Variants in GALNT17 observed in about 807,000 individuals in gnomAD.
GALNT17 encodes polypeptide N-acetylgalactosaminyltransferase 17.
Under a neutral mutation model 63.7 loss-of-function variants are expected in GALNT17, and 29 were observed. The observed-to-expected ratio is 0.46, with a 90% CI of 0.34 to 0.62. The LOEUF (loss-of-function observed/expected upper bound fraction) is 0.62, where lower values mean the gene tolerates loss of function less well. Among genes scored for constraint, GALNT17 ranks in the 20% least tolerant of loss-of-function variants. The probability of loss-of-function intolerance (pLI) is 0.01; values close to 1 mark genes in which losing one functional copy is unlikely to be tolerated. For synonymous variants in GALNT17, 305 were observed against 318.3 expected (o/e 0.96, Z 0.45); for missense variants, 603 against 799.6 (o/e 0.75, Z 2.97).
chr7:71,525,695 T>A (rs538979271), intron 5 of GALNT17, among the ~76,000 whole-genome samples: 9 of 151,556 alleles, frequency 5.9e-5, no homozygotes, highest in South Asian at 2.1e-4. Flanking sequence ...TTTTTTTTTT[T>A]AATAAATTAC....
At chr7:71,528,159 A>G (rs528544782) in intron 5 of GALNT17, among the ~76,000 whole-genome samples, 4 of 152,182 alleles carry the variant, frequency 2.6e-5, no homozygotes, top group South Asian at 2.1e-4. Context: ...TTTTGTTACT[A>G]TCTAAAAAGC....
intron 1 of GALNT17, among the ~76,000 whole-genome samples, chr7:71,159,742 T>A (rs1328539935): frequency 1.3e-5 from 2 of 149,896 alleles, no homozygotes; most frequent in African/African-American, 5.0e-5. Flanking sequence ...ATGGAGACTG[T>A]CAGTCGCTGG....
intron 1 of GALNT17, among the ~76,000 whole-genome samples, chr7:71,133,407 A>AG (rs1787724186): frequency 6.7e-6 from 1 of 150,192 alleles, no homozygotes; most frequent in South Asian, 2.1e-4. Context: ...TGTAGGAGGA[A>AG]ATAGTCTTAG....
chr7:71,282,988 T>C (rs1050574898), intron 1 of GALNT17, among the ~76,000 whole-genome samples: 1 of 151,924 alleles, frequency 6.6e-6, no homozygotes, highest in African/African-American at 2.4e-5. Flanking sequence ...AGCTGGGGGA[T>C]CTGCTCAGAG....
At chr7:71,409,357 T>C (rs1460765295) in intron 3 of GALNT17, among the ~76,000 whole-genome samples, 1 of 152,086 alleles carries the variant, frequency 6.6e-6, no homozygotes, top group Non-Finnish European at 1.5e-5. Flanking sequence ...ATGCAGCAGC[T>C]CCCCATTTGA....
intron 1 of GALNT17, among the ~76,000 whole-genome samples, chr7:71,139,959 A>C (rs1054416262): frequency 6.6e-6 from 1 of 152,262 alleles, no homozygotes; most frequent in East Asian, 1.9e-4. Flanking sequence ...GCGCCCCTGC[A>C]CTCCAGCCAG....
chr7:71,398,312 G>C (rs183825525), intron 3 of GALNT17, among the ~76,000 whole-genome samples: 1 of 151,292 alleles, frequency 6.6e-6, no homozygotes, highest in Non-Finnish European at 1.5e-5. Flanking sequence ...CTTATCTTTC[G>C]CTATCTGATA....
chr7:71,221,908 ATTTTTTTT>A (rs370780821), intron 1 of GALNT17, among the ~76,000 whole-genome samples: 2 of 114,682 alleles, frequency 1.7e-5, no homozygotes, highest in African/African-American at 3.1e-5. Flanking sequence ...CCTTATTTAG[ATTTTTTTT>A]TTTTTTTTTT....
intron 1 of GALNT17, among the ~76,000 whole-genome samples, chr7:71,289,956 A>G (rs1257326970): frequency 6.6e-6 from 1 of 151,792 alleles, no homozygotes. Flanking sequence ...GAGGCAGGAG[A>G]ATTGCTTGAA....
At chr7:71,353,308 A>T (rs1209823878) in intron 2 of GALNT17, among the ~76,000 whole-genome samples, 1 of 152,122 alleles carries the variant, frequency 6.6e-6, no homozygotes, top group African/African-American at 2.4e-5. Context: ...TGCAGACATG[A>T]TGCCCCTTTG....
intron 1 of GALNT17, among the ~76,000 whole-genome samples, chr7:71,170,283 C>T (rs1040364534): frequency 6.6e-6 from 1 of 151,866 alleles, no homozygotes; most frequent in Non-Finnish European, 1.5e-5. Context: ...AGATGTAGAT[C>T]GAGAAGGGAT....
In GALNT17 at chr7:71,533,857, T is replaced by C. The variant is rs142269353; in HGVS notation, c.963-37428T>C. 1.9e-3 allele frequency among the ~76,000 whole-genome samples: 284 copies of C among 152,222 alleles called. 1 individual carries two copies. The highest frequency in any genetic ancestry group is 5.0e-3 in the African/African-American group (208 of 41,538). ...AACCAACTAAAGTCAGGGGTTTACA[T>C]AGCGAAGAATTAGAGAGGGGTACAG... On this transcript the variant is annotated intron_variant, in intron 5 of 10. Coordinates refer to ENST00000333538, the MANE Select transcript of GALNT17 (RefSeq NM_022479.3).
At chr7:71,250,235 G>A (rs899434945) in intron 1 of GALNT17, among the ~76,000 whole-genome samples, 1 of 152,006 alleles carries the variant, frequency 6.6e-6, no homozygotes, top group African/African-American at 2.4e-5. Context: ...AAATATTTAT[G>A]GATGCCATAG....
intron 1 of GALNT17, among the ~76,000 whole-genome samples, chr7:71,257,754 G>T (rs1025503771): frequency 1.3e-5 from 2 of 152,200 alleles, no homozygotes; most frequent in African/African-American, 2.4e-5. Context: ...GGTGATGCCA[G>T]AAGCCTAAGT....
chr7:71,163,917 C>A (rs1001967543), intron 1 of GALNT17, among the ~76,000 whole-genome samples: 3 of 152,144 alleles, frequency 2.0e-5, no homozygotes, highest in East Asian at 1.9e-4. Flanking sequence ...ACTGCTATTA[C>A]CTTTTAGTAG....
At chr7:71,490,895 T>C (rs1787994736) in intron 5 of GALNT17, among the ~76,000 whole-genome samples, 1 of 150,772 alleles carries the variant, frequency 6.6e-6, no homozygotes. Flanking sequence ...CCCTGTCTCT[T>C]TAAAAAAAGG....
At position 71,183,563 on chromosome 7, in the gene GALNT17, A is replaced by G. The variant is rs1338720840; in HGVS notation, c.238+50523A>G. 2.6e-5 allele frequency among the ~76,000 whole-genome samples: 4 copies of G among 152,220 alleles called. No homozygotes were observed. In the East Asian group the frequency reaches 7.7e-4, roughly 29 times the overall value. ...ACCCTGAGGTCAGACGCCTTGGAGA[A>G]TTCCCCATGGAGATCCCCCGAGCCA... On this transcript the variant is annotated intron_variant, in intron 1 of 10. Coordinates refer to ENST00000333538, the MANE Select transcript of GALNT17 (RefSeq NM_022479.3).
At chr7:71,406,049 C>T (rs141626400) in intron 3 of GALNT17, among the ~76,000 whole-genome samples, 42 of 152,200 alleles carry the variant, frequency 2.8e-4, no homozygotes, top group East Asian at 3.9e-4. Context: ...TGGAATGTTA[C>T]GAGTTTCCAA....
intron 1 of GALNT17, among the ~76,000 whole-genome samples, chr7:71,285,575 G>A (rs1790858588): frequency 6.6e-6 from 1 of 152,178 alleles, no homozygotes; most frequent in South Asian, 2.1e-4. Flanking sequence ...ACAGTGTGAT[G>A]GTATTAGGGG....
Sources: gnomAD v4.1 joint callset for allele counts (sites outside exome capture counted in the v4.1 genomes callset) on GRCh38, gnomAD v4.1.1 for gene constraint, MANE v1.5 for transcripts, NCBI Gene and HGNC (gene_info 2026-07-23, HGNC 2026-07-21) for gene names.